TMEFF1: variants seen among roughly 807,000 people sequenced by gnomAD.
TMEFF1 encodes transmembrane protein with EGF like and two follistatin like domains 1.
A neutral mutation model predicts 47.5 loss-of-function variants in TMEFF1; 20 were observed. That is an observed-to-expected ratio of 0.42 (90% CI 0.30 to 0.61). The LOEUF (loss-of-function observed/expected upper bound fraction) is 0.61, where lower values mean the gene tolerates loss of function less well. Among genes scored for constraint, TMEFF1 ranks in the 20% least tolerant of loss-of-function variants. The pLI is 0.19. For synonymous variants in TMEFF1, 162 were observed against 166.3 expected (o/e 0.97, Z 0.20); for missense variants, 411 against 471.1 (o/e 0.87, Z 1.18).
chr9:100,495,096 T>C (rs1329994615), intron 1 of TMEFF1, among the ~76,000 whole-genome samples: 2 of 152,180 alleles, frequency 1.3e-5, no homozygotes, highest in Non-Finnish European at 2.9e-5. Context: ...TTGATTTTAA[T>C]GAAGGCACAC....
chr9:100,478,801 A>T (rs1837284190), intron 1 of TMEFF1, among the ~76,000 whole-genome samples: 1 of 152,246 alleles, frequency 6.6e-6, no homozygotes, highest in Non-Finnish European at 1.5e-5. Flanking sequence ...AATGAAGATG[A>T]TGATGGTCCT....
chr9:100,474,319 G>A (rs1304930897), intron 1 of TMEFF1, among the ~76,000 whole-genome samples: 1 of 152,012 alleles, frequency 6.6e-6, no homozygotes, highest in African/African-American at 2.4e-5. Context: ...GATGCAGAGT[G>A]ACTGTGTGTG....
intron 8 of TMEFF1, among the ~76,000 whole-genome samples, chr9:100,567,493 C>T (rs553545404): frequency 3.5e-4 from 53 of 152,298 alleles, no homozygotes; most frequent in African/African-American, 1.3e-3. Flanking sequence ...TGTTTATTGA[C>T]ACTCTTCTCC....
chr9:100,482,066 C>T (rs777447228), intron 1 of TMEFF1, among the ~76,000 whole-genome samples: 29 of 152,050 alleles, frequency 1.9e-4, no homozygotes, highest in African/African-American at 3.4e-4. Context: ...TGAGCCACTG[C>T]GCCCAGCCTA....
At chr9:100,486,296 G>A (rs1406808545) in intron 1 of TMEFF1, among the ~76,000 whole-genome samples, 1 of 152,152 alleles carries the variant, frequency 6.6e-6, no homozygotes, top group Non-Finnish European at 1.5e-5. Context: ...AGGCTGGAGT[G>A]CAATGACGTG....
chr9:100,474,003 C>T (rs919227981), intron 1 of TMEFF1, among the ~76,000 whole-genome samples: 4 of 145,080 alleles, frequency 2.8e-5, no homozygotes, highest in Admixed American at 2.7e-4. Flanking sequence ...GGCGGTGGGG[C>T]CGGGGCCGGG....
chr9:100,525,875 T>C (rs1160832104), intron 5 of TMEFF1, among the ~76,000 whole-genome samples: 2 of 152,190 alleles, frequency 1.3e-5, no homozygotes, highest in Non-Finnish European at 2.9e-5. Flanking sequence ...TACTTATTAT[T>C]ATACCACTAG....
At chr9:100,533,657 T>C (rs1259366673) in intron 5 of TMEFF1, among the ~76,000 whole-genome samples, 2 of 152,106 alleles carry the variant, frequency 1.3e-5, no homozygotes, top group Non-Finnish European at 2.9e-5. Context: ...ATTGGCTTTT[T>C]TTTCTGTTGT....
intron 8 of TMEFF1, among the ~76,000 whole-genome samples, chr9:100,562,169 A>C (rs549180702): frequency 6.6e-6 from 1 of 152,092 alleles, no homozygotes; most frequent in African/African-American, 2.4e-5. Context: ...ATGTTGGTCT[A>C]GTTAGCCAGG....
At chr9:100,516,861 G>T (rs1382021518) in intron 5 of TMEFF1, 90 bp downstream of exon 5, 3 of 1,445,936 alleles carry the variant, frequency 2.1e-6, no homozygotes, top group Non-Finnish European at 2.7e-6. Context: ...ACCTGGTTCT[G>T]TATCTTTTGT....
chr9:100,502,141 T>C (rs1027969833), intron 2 of TMEFF1, among the ~76,000 whole-genome samples: 2 of 152,204 alleles, frequency 1.3e-5, no homozygotes, highest in African/African-American at 4.8e-5. Context: ...AAATATTAAA[T>C]CATTTAATAG....
intron 1 of TMEFF1, among the ~76,000 whole-genome samples, chr9:100,482,917 C>G (rs980288386): frequency 6.6e-6 from 1 of 152,128 alleles, no homozygotes; most frequent in African/African-American, 2.4e-5. Context: ...TATTTGAAAC[C>G]TACCCTGCTA....
chr9:100,502,256 CTA>C (rs1019161583), intron 2 of TMEFF1, among the ~76,000 whole-genome samples: 3 of 151,974 alleles, frequency 2.0e-5, no homozygotes, highest in African/African-American at 7.3e-5. Context: ...CTTTTTAACA[CTA>C]TGTATTTTTA....
At chr9:100,576,429 ATG>A in intron 9 of TMEFF1, 85 bp from the exon 10 acceptor site, 1 of 1,518,294 alleles carries the variant, frequency 6.6e-7, no homozygotes, top group Non-Finnish European at 8.9e-7. Flanking sequence ...TATGTGCAAA[ATG>A]TGTATTACTT....
chr9:100,542,768 A>G (rs957797700), intron 5 of TMEFF1, among the ~76,000 whole-genome samples: 3 of 152,056 alleles, frequency 2.0e-5, no homozygotes, highest in African/African-American at 4.8e-5. Context: ...TTTGGGATTC[A>G]TTGGGCTTCT....
intron 6 of TMEFF1, among the ~76,000 whole-genome samples, chr9:100,549,107 T>G (rs532418479): frequency 6.6e-6 from 1 of 152,276 alleles, no homozygotes; most frequent in Admixed American, 6.5e-5. Context: ...AAGAATTACC[T>G]GAGACTGGGT....
rs1340107217 is a variant in TMEFF1 at position 100,572,783 on chromosome 9, T to C, written c.1058+107T>C. ...TATTAGGAAAAATCTTATGATCAGT[T>C]CCCTGAGGTTTTCAGTGGTCTCTCC... On this transcript the variant is annotated intron_variant, in intron 9 of 9. Transcript: ENST00000374879. 3.7e-6 allele frequency: 5 copies of C among 1,358,270 alleles called. No individual in the cohort carries two copies. In the East Asian group the frequency reaches 7.9e-5, roughly 22 times the overall value. 84.1% of individuals were successfully genotyped at this position (1,358,270 alleles called of 1,614,324 possible). A position where few individuals can be genotyped will look rare whatever the true frequency, so the allele number is the denominator to read the frequency against.
At chr9:100,542,341 G>C (rs1838649137) in intron 5 of TMEFF1, among the ~76,000 whole-genome samples, 1 of 152,090 alleles carries the variant, frequency 6.6e-6, no homozygotes, top group Non-Finnish European at 1.5e-5. Flanking sequence ...ACAGAGCACT[G>C]TTGTTCTTAT....
At chr9:100,552,011 A>G (rs1281920103) in intron 7 of TMEFF1, among the ~76,000 whole-genome samples, 2 of 152,284 alleles carry the variant, frequency 1.3e-5, no homozygotes, top group Admixed American at 6.5e-5. Context: ...ATGAGCATAG[A>G]TATGCACACA....
Sources: allele counts gnomAD v4.1 joint callset (sites outside exome capture counted in the v4.1 genomes callset), GRCh38; gene constraint gnomAD v4.1.1; transcripts MANE v1.5; gene names NCBI Gene and HGNC (gene_info 2026-07-23, HGNC 2026-07-21).